ERBB4: variants seen among roughly 807,000 people sequenced by gnomAD.
The protein encoded by ERBB4 is erb-b2 receptor tyrosine kinase 4.
ERBB4 carries 42 observed loss-of-function variants against 158.0 expected under a neutral mutation model. The ratio of observed to expected loss-of-function variants is 0.27; its 90% CI spans 0.21 to 0.34. ERBB4 has a LOEUF of 0.34. ERBB4 is among the 10% of genes least tolerant of loss of function. The pLI is 1.00. For missense variants in ERBB4, 1,333 were observed against 1,624.1 expected (o/e 0.82, Z 3.08); for synonymous variants, 583 against 558.7 (o/e 1.04, Z -0.61).
At chr2:212,426,759 G>C (rs558143267) in intron 1 of ERBB4, among the ~76,000 whole-genome samples, 2 of 151,992 alleles carry the variant, frequency 1.3e-5, no homozygotes, top group African/African-American at 4.8e-5. Context: ...ATTACAGATT[G>C]TGAGTGCAGT....
chr2:212,356,867 CCTTAGAAACTTATA>C (rs1431110179), intron 1 of ERBB4, among the ~76,000 whole-genome samples: 1 of 151,766 alleles, frequency 6.6e-6, no homozygotes, highest in Non-Finnish European at 1.5e-5. Context: ...GGTTTTGCTA[CCTTAGAAACTTATA>C]CATAGAAACA....
At chr2:212,505,009 G>A (rs1691109785) in intron 1 of ERBB4, among the ~76,000 whole-genome samples, 2 of 151,992 alleles carry the variant, frequency 1.3e-5, no homozygotes, top group Admixed American at 1.3e-4. Context: ...TCTTAGAAAG[G>A]GATTTGAAAC....
intron 2 of ERBB4, among the ~76,000 whole-genome samples, chr2:212,071,132 A>T (rs1422506117): frequency 1.3e-5 from 2 of 152,062 alleles, no homozygotes; most frequent in Admixed American, 1.3e-4. Context: ...TACTCACTAG[A>T]TATACTTTCT....
chr2:211,657,839 T>C lies in ERBB4; in HGVS notation c.1872-11A>G. 6.2e-7 allele frequency: 1 copy of C among 1,613,056 alleles called. No individual in the cohort carries two copies. Among genetic ancestry groups the C allele is most frequent in the Non-Finnish European group, 8.5e-7 (1 of 1,179,180 alleles). The stretch of plus-strand genomic sequence containing the variant: ...GTGGGACCGTTACACCTGCAGGCAA[T>C]TACAGAACAGAAAACATCATTCTCC... On this transcript the variant is annotated splice_polypyrimidine_tract_variant and intron_variant, in intron 15 of 27. Transcript: ENST00000342788.
chr2:211,772,953 ATATTTT>A (rs2075753550), intron 4 of ERBB4, among the ~76,000 whole-genome samples: 1 of 77,108 alleles, frequency 1.3e-5, no homozygotes, highest in African/African-American at 6.1e-5. Flanking sequence ...ATATATATAT[ATATTTT>A]TTTTTTTAAA....
chr2:212,530,726 G>A (rs1692711145), intron 1 of ERBB4, among the ~76,000 whole-genome samples: 1 of 152,112 alleles, frequency 6.6e-6, no homozygotes, highest in African/African-American at 2.4e-5. Context: ...ATCCCCACTT[G>A]TATTCAAAAG....
At chr2:211,709,413 T>C (rs2073604921) in intron 9 of ERBB4, among the ~76,000 whole-genome samples, 1 of 151,684 alleles carries the variant, frequency 6.6e-6, no homozygotes, top group South Asian at 2.1e-4. Context: ...CCTCACTAGA[T>C]AGAACATTTT....
chr2:211,940,754 G>A lies in ERBB4; in HGVS notation c.421+6676C>T, dbSNP rs373922806. ...GAAAGGATGATTCTATTCCCTGAAC[G>A]CCCAACCCCACCACTTATTTTGGCT... On this transcript the variant is annotated intron_variant, in intron 3 of 27. Coordinates refer to ENST00000342788, the MANE Select transcript of ERBB4 (RefSeq NM_005235.3). Among the ~76,000 whole-genome samples, 56 of 151,980 alleles carry A rather than the reference G, an allele frequency of 3.7e-4. 1 individual carries two copies. Among genetic ancestry groups the A allele is most frequent in the Non-Finnish European group, 2.1e-4 (14 of 67,982 alleles).
rs199687268 is a variant in ERBB4, at chr2:212,306,168, TTTTA to T, written c.83-181269_83-181266del. Among the ~76,000 whole-genome samples the T allele has an allele frequency of 4.0e-3, 607 of 151,562 alleles. 4 individuals are homozygous for T. Among genetic ancestry groups the T allele is most frequent in the African/African-American group, 0.013 (556 of 41,470 alleles). On this transcript the variant is annotated intron_variant, in intron 1 of 27. Transcript: ENST00000342788. Reference sequence around the variant, plus strand: ...TAGATAATATATAGTAGTATTCTGCTTTTATTTGATTTTCATATAAAGAAGTAAA... The same window carrying T: ...TAGATAATATATAGTAGTATTCTGCTTTTGATTTTCATATAAAGAAGTAAA...
At chr2:211,919,220 G>C (rs1469873805) in intron 3 of ERBB4, among the ~76,000 whole-genome samples, 1 of 152,010 alleles carries the variant, frequency 6.6e-6, no homozygotes, top group Non-Finnish European at 1.5e-5. Context: ...GTCAACAATA[G>C]AAACTAGTAA....
chr2:212,128,571 A>C (rs1287584676), intron 1 of ERBB4, among the ~76,000 whole-genome samples: 1 of 152,220 alleles, frequency 6.6e-6, no homozygotes, highest in East Asian at 1.9e-4. Flanking sequence ...TTACATTGTC[A>C]TATTATCAAT....
intron 1 of ERBB4, among the ~76,000 whole-genome samples, chr2:212,325,927 CA>C (rs2087807213): frequency 6.7e-6 from 1 of 150,362 alleles, no homozygotes; most frequent in Non-Finnish European, 1.5e-5. Flanking sequence ...AAGTATTTGG[CA>C]AAAAACTACA....
At chr2:211,423,300 C>A (rs1410887542) in intron 23 of ERBB4, among the ~76,000 whole-genome samples, 1 of 151,912 alleles carries the variant, frequency 6.6e-6, no homozygotes, top group African/African-American at 2.4e-5. Flanking sequence ...GAATGTATCA[C>A]ACATGTCATG....
At chr2:212,042,829 T>C (rs1575555890) in intron 2 of ERBB4, among the ~76,000 whole-genome samples, 1 of 152,284 alleles carries the variant, frequency 6.6e-6, no homozygotes, top group East Asian at 1.9e-4. Flanking sequence ...TATTGCAAAC[T>C]AGTTCAGTTG....
intron 19 of ERBB4, among the ~76,000 whole-genome samples, chr2:211,562,979 G>T (rs1396740395): frequency 6.6e-6 from 1 of 151,982 alleles, no homozygotes; most frequent in African/African-American, 2.4e-5. Flanking sequence ...CACCGTTTTA[G>T]CCGGGATGGT....
At chr2:211,579,772 G>A (rs1417952464) in intron 19 of ERBB4, among the ~76,000 whole-genome samples, 1 of 151,974 alleles carries the variant, frequency 6.6e-6, no homozygotes, top group African/African-American at 2.4e-5. Flanking sequence ...CACAGGGAGA[G>A]GAAAAACACA....
At chr2:211,941,802 T>C (rs1349167535) in intron 3 of ERBB4, among the ~76,000 whole-genome samples, 2 of 132,678 alleles carry the variant, frequency 1.5e-5, no homozygotes, top group Non-Finnish European at 3.2e-5. Context: ...CAGAAACAAA[T>C]ACAATAGTTT....
chr2:211,465,650 TC>T (rs1467626197), intron 20 of ERBB4, among the ~76,000 whole-genome samples: 1 of 152,134 alleles, frequency 6.6e-6, no homozygotes, highest in East Asian at 1.9e-4. Flanking sequence ...TTTGTATAAG[TC>T]ACTGTATAAT....
intron 1 of ERBB4, among the ~76,000 whole-genome samples, chr2:212,281,945 T>A (rs1373361987): frequency 6.6e-6 from 1 of 151,818 alleles, no homozygotes; most frequent in African/African-American, 2.4e-5. Flanking sequence ...CACGATACGT[T>A]TATAAAACTA....
Sources: gnomAD v4.1 joint callset for allele counts (sites outside exome capture counted in the v4.1 genomes callset) on GRCh38, gnomAD v4.1.1 for gene constraint, MANE v1.5 for transcripts, NCBI Gene and HGNC (gene_info 2026-07-23, HGNC 2026-07-21) for gene names.